The following KAZN variants were observed in gnomAD, a reference collection of about 807,000 sequenced individuals.
KAZN encodes kazrin.
In KAZN, 40 loss-of-function variants were observed where a neutral mutation model predicts 87.4. The ratio of observed to expected loss-of-function variants is 0.46; its 90% CI spans 0.36 to 0.60. The LOEUF (loss-of-function observed/expected upper bound fraction) is 0.60. KAZN is among the 20% of genes least tolerant of loss of function. The pLI is 0.00. For missense variants in KAZN, 898 were observed against 1,073.9 expected (o/e 0.84, Z 2.29); for synonymous variants, 466 against 458.3 (o/e 1.02, Z -0.22).
intron 2 of KAZN, among the ~76,000 whole-genome samples, chr1:14,406,454 A>G (rs1571547309): frequency 6.6e-6 from 1 of 152,128 alleles, no homozygotes; most frequent in Non-Finnish European, 1.5e-5. Context: ...AAACCCAAAC[A>G]TCGAATGTTC....
intron 2 of KAZN, among the ~76,000 whole-genome samples, chr1:15,004,052 T>C (rs751988549): frequency 6.6e-6 from 1 of 152,200 alleles, no homozygotes; most frequent in Non-Finnish European, 1.5e-5. Context: ...CCGTGGAAGG[T>C]GCTGGGCATA....
chr1:14,804,378 G>A (rs1049424371), intron 1 of KAZN, among the ~76,000 whole-genome samples: 4 of 152,144 alleles, frequency 2.6e-5, no homozygotes, highest in African/African-American at 9.7e-5. Context: ...GGCTGGGTGG[G>A]GCTTACAAGC....
At chr1:14,262,616 T>C (rs1055501192) in intron 2 of KAZN, among the ~76,000 whole-genome samples, 1 of 152,214 alleles carries the variant, frequency 6.6e-6, no homozygotes, top group Admixed American at 6.5e-5. Context: ...TGTCATTTAA[T>C]ACTGGAAGGA....
intron 2 of KAZN, among the ~76,000 whole-genome samples, chr1:14,183,954 C>G (rs1463717416): frequency 6.6e-6 from 1 of 152,032 alleles, no homozygotes; most frequent in Non-Finnish European, 1.5e-5. Flanking sequence ...AGCCTCTTTG[C>G]CTAAAACTTG....
rs770861251 is a variant in KAZN at position 15,098,346 on chromosome 1, G to A, written c.1548-3197G>A. On this transcript the variant is annotated intron_variant, in intron 10 of 14. Coordinates refer to ENST00000376030, the MANE Select transcript of KAZN (RefSeq NM_201628.3). ...TCAAACCAACAGCTGGGAACGTATC[G>A]CCAAGCTGCGGCCCCATGGGGACAC... Among the ~76,000 whole-genome samples the A allele has an allele frequency of 9.8e-5, 15 of 152,324 alleles. No homozygotes were observed. The South Asian group carries it at 1.9e-3, about 19-fold the overall frequency.
chr1:13,914,544 G>A (rs1220189121), intron 1 of KAZN, among the ~76,000 whole-genome samples: 1 of 152,206 alleles, frequency 6.6e-6, no homozygotes, highest in Non-Finnish European at 1.5e-5. Flanking sequence ...TTATATAGCG[G>A]TGATGTCCCT....
At chr1:14,168,853 G>C (rs1645889189) in intron 1 of KAZN, among the ~76,000 whole-genome samples, 1 of 152,154 alleles carries the variant, frequency 6.6e-6, no homozygotes. Flanking sequence ...GTGTGACAAG[G>C]AAATGCAATG....
intron 2 of KAZN, among the ~76,000 whole-genome samples, chr1:14,581,818 C>T (rs1675567873): frequency 6.6e-6 from 1 of 152,170 alleles, no homozygotes; most frequent in Non-Finnish European, 1.5e-5. Flanking sequence ...CAGGTCTCTA[C>T]TCAATGTCAC....
At chr1:14,999,087 G>A (rs868775025) in intron 2 of KAZN, among the ~76,000 whole-genome samples, 11 of 152,220 alleles carry the variant, frequency 7.2e-5, no homozygotes, top group Non-Finnish European at 1.0e-4. Flanking sequence ...TTAGGAGGCC[G>A]AGGCAGGAGA....
At chr1:14,319,659 G>C (rs1196494323) in intron 2 of KAZN, among the ~76,000 whole-genome samples, 1 of 152,050 alleles carries the variant, frequency 6.6e-6, no homozygotes, top group East Asian at 1.9e-4. Context: ...ACAGCCTGCA[G>C]TGTAAGCTCC....
chr1:14,805,762 AAATAATAATAAT>A (rs146219963), intron 1 of KAZN, among the ~76,000 whole-genome samples: 2,167 of 143,016 alleles, frequency 0.015, 46 homozygotes, highest in African/African-American at 0.043. Flanking sequence ...CCCCATCTCA[AAATAATAATAAT>A]AATAATAATA....
chr1:13,961,633 A>G (rs1372357939), intron 1 of KAZN, among the ~76,000 whole-genome samples: 1 of 152,152 alleles, frequency 6.6e-6, no homozygotes, highest in African/African-American at 2.4e-5. Flanking sequence ...AGAGTCAAAG[A>G]TTCTAGAGGC....
At chr1:14,100,500 G>A (rs1644226347) in intron 1 of KAZN, among the ~76,000 whole-genome samples, 1 of 152,142 alleles carries the variant, frequency 6.6e-6, no homozygotes, top group Non-Finnish European at 1.5e-5. Flanking sequence ...GGGAAACCAG[G>A]CTTGAGCTTC....
At chr1:14,246,162 G>T (rs1649482645) in intron 2 of KAZN, among the ~76,000 whole-genome samples, 1 of 152,088 alleles carries the variant, frequency 6.6e-6, no homozygotes, top group Non-Finnish European at 1.5e-5. Context: ...AACATACACT[G>T]GGTCCTGTTG....
At chr1:14,084,240 T>G (rs541089450) in intron 1 of KAZN, among the ~76,000 whole-genome samples, 2 of 152,100 alleles carry the variant, frequency 1.3e-5, no homozygotes, top group Non-Finnish European at 2.9e-5. Flanking sequence ...GAAGTTGAGA[T>G]GAACAGGAGT....
intron 5 of KAZN, among the ~76,000 whole-genome samples, chr1:15,057,734 C>T (rs1416172678): frequency 1.3e-5 from 2 of 152,242 alleles, no homozygotes; most frequent in African/African-American, 4.8e-5. Flanking sequence ...ACCACTTGTT[C>T]AGAGTCTCAC....
At chr1:14,550,129 A>G (rs765217773) in intron 2 of KAZN, among the ~76,000 whole-genome samples, 1 of 152,208 alleles carries the variant, frequency 6.6e-6, no homozygotes, top group Non-Finnish European at 1.5e-5. Context: ...CTCATTCAAC[A>G]CATGTTTACT....
At chr1:14,792,833 G>A (rs1645716468) in intron 1 of KAZN, among the ~76,000 whole-genome samples, 2 of 152,164 alleles carry the variant, frequency 1.3e-5, no homozygotes, top group Non-Finnish European at 2.9e-5. Flanking sequence ...AAAATTAGCT[G>A]GGCGTGGTGG....
intron 1 of KAZN, chr1:14,929,887 G>C (rs1659612006): frequency 5.1e-6 from 5 of 985,452 alleles, no homozygotes; most frequent in Non-Finnish European, 6.0e-6. Flanking sequence ...GGGACTCCAG[G>C]CTTTCTCTCG....
Sources: allele counts gnomAD v4.1 joint callset (sites outside exome capture counted in the v4.1 genomes callset), GRCh38; gene constraint gnomAD v4.1.1; transcripts MANE v1.5; gene names NCBI Gene and HGNC (gene_info 2026-07-23, HGNC 2026-07-21).